The following GALNT13 variants were observed in gnomAD, a reference collection of about 807,000 sequenced individuals.
GALNT13 encodes the protein polypeptide N-acetylgalactosaminyltransferase 13, also known as UDP-GalNAc:polypeptide N-acetylgalactosaminyltransferase 13.
A neutral mutation model predicts 64.2 loss-of-function variants in GALNT13; 28 were observed. The observed-to-expected ratio is 0.44, with a 90% CI of 0.32 to 0.60. The LOEUF (loss-of-function observed/expected upper bound fraction) is 0.60, where lower values mean the gene tolerates loss of function less well. GALNT13 is among the 20% of genes least tolerant of loss of function. The probability of loss-of-function intolerance (pLI) is 0.05; values close to 1 mark genes in which losing one functional copy is unlikely to be tolerated. For synonymous variants in GALNT13, 214 were observed against 224.6 expected (o/e 0.95, Z 0.42); for missense variants, 577 against 669.8 (o/e 0.86, Z 1.53).
intron 3 of GALNT13, among the ~76,000 whole-genome samples, chr2:154,080,584 G>T (rs1012007257): frequency 6.6e-6 from 1 of 151,528 alleles, no homozygotes; most frequent in Non-Finnish European, 1.5e-5. Context: ...GTGGAAGAGC[G>T]TGCACTTGAT....
At chr2:154,383,036 G>A (rs1057242527) in intron 9 of GALNT13, among the ~76,000 whole-genome samples, 6 of 151,818 alleles carry the variant, frequency 4.0e-5, no homozygotes, top group African/African-American at 2.4e-5. Context: ...CTAAGAGTGC[G>A]ATTCTGAGAC....
the GALNT13 span, among the ~76,000 whole-genome samples, chr2:153,613,379 G>A: frequency 6.6e-6 from 1 of 152,074 alleles, no homozygotes; most frequent in African/African-American, 2.4e-5. Flanking sequence ...CTATTTTAGA[G>A]AGTTCCATAA....
the GALNT13 span, among the ~76,000 whole-genome samples, chr2:153,689,072 G>A: frequency 1.1e-5 from 1 of 94,154 alleles, no homozygotes; most frequent in Non-Finnish European, 2.6e-5. Flanking sequence ...GCGTGTGTAT[G>A]TGTGTGTGTG....
chr2:153,536,391 A>T, the GALNT13 span, among the ~76,000 whole-genome samples: 1 of 152,132 alleles, frequency 6.6e-6, no homozygotes, highest in East Asian at 1.9e-4. Flanking sequence ...CTGTCTGTCC[A>T]ATCTGGAGGA....
the GALNT13 span, among the ~76,000 whole-genome samples, chr2:153,120,884 AT>A: frequency 1.3e-5 from 2 of 152,154 alleles, no homozygotes; most frequent in East Asian, 3.9e-4. Flanking sequence ...AACGTGATGT[AT>A]CTAGGAAAAA....
the GALNT13 span, among the ~76,000 whole-genome samples, chr2:153,540,637 A>G: frequency 1.3e-5 from 2 of 152,234 alleles, no homozygotes; most frequent in African/African-American, 2.4e-5. Context: ...ACTGAGCCGC[A>G]GGGGCAGAAC....
At chr2:153,636,758 T>C in the GALNT13 span, among the ~76,000 whole-genome samples, 1 of 152,116 alleles carries the variant, frequency 6.6e-6, no homozygotes, top group African/African-American at 2.4e-5. Context: ...GTTCAAATAT[T>C]TGTTCCTACA....
the GALNT13 span, among the ~76,000 whole-genome samples, chr2:153,730,783 A>G: frequency 6.6e-6 from 1 of 151,968 alleles, no homozygotes; most frequent in Non-Finnish European, 1.5e-5. Context: ...TGACTAACAA[A>G]TAAAAATGCT....
the GALNT13 span, among the ~76,000 whole-genome samples, chr2:153,782,337 C>A: frequency 1.3e-5 from 2 of 152,156 alleles, no homozygotes. Context: ...TAGCCTACTA[C>A]ACACCTGGGC....
intron 4 of GALNT13, among the ~76,000 whole-genome samples, chr2:154,226,761 A>G (rs1688639096): frequency 6.6e-6 from 1 of 152,144 alleles, no homozygotes; most frequent in Non-Finnish European, 1.5e-5. Context: ...AAATATAACA[A>G]GTAGTATTTA....
chr2:153,254,287 T>C, the GALNT13 span, among the ~76,000 whole-genome samples: 5,095 of 152,060 alleles, frequency 0.034, 284 homozygotes, highest in African/African-American at 0.12. Context: ...TGATGGTAGT[T>C]TGTATTTCTG....
At chr2:153,225,303 A>G in the GALNT13 span, among the ~76,000 whole-genome samples, 1 of 152,204 alleles carries the variant, frequency 6.6e-6, no homozygotes, top group Non-Finnish European at 1.5e-5. Flanking sequence ...AATTTTTTTA[A>G]AAGCCTCTTG....
chr2:153,435,211 T>C, the GALNT13 span, among the ~76,000 whole-genome samples: 121,810 of 151,974 alleles, frequency 0.8, 49,841 homozygotes, highest in African/African-American at 0.88. Context: ...ACCAGTACCA[T>C]GCTGTTTTGG....
intron 3 of GALNT13, among the ~76,000 whole-genome samples, chr2:154,126,641 A>AC (rs1682289587): frequency 7.9e-6 from 1 of 126,762 alleles, no homozygotes; most frequent in African/African-American, 2.8e-5. Context: ...TCTCAAAAAA[A>AC]CAAAAAAAAA....
chr2:153,926,772 T>C (rs1175790551), intron 2 of GALNT13, among the ~76,000 whole-genome samples: 1 of 152,140 alleles, frequency 6.6e-6, no homozygotes, highest in Non-Finnish European at 1.5e-5. Flanking sequence ...GGCACAAATA[T>C]CAGATGAGTC....
the GALNT13 span, among the ~76,000 whole-genome samples, chr2:153,113,178 C>T: frequency 1.3e-5 from 2 of 151,992 alleles, no homozygotes; most frequent in Admixed American, 6.6e-5. Flanking sequence ...TCACTTCTGG[C>T]AAGATTCTTG....
intron 3 of GALNT13, among the ~76,000 whole-genome samples, chr2:154,021,728 C>T (rs1697514068): frequency 6.6e-6 from 1 of 151,660 alleles, no homozygotes; most frequent in Non-Finnish European, 1.5e-5. Context: ...GCCAGAACTT[C>T]CAACACTATG....
At chr2:153,270,432 C>T in the GALNT13 span, among the ~76,000 whole-genome samples, 1 of 152,194 alleles carries the variant, frequency 6.6e-6, no homozygotes, top group South Asian at 2.1e-4. Flanking sequence ...ATTCTGCAAC[C>T]TGCAAGTGAT....
intron 12 of GALNT13, among the ~76,000 whole-genome samples, chr2:154,440,214 A>C (rs1470056151): frequency 6.6e-6 from 1 of 152,168 alleles, no homozygotes; most frequent in Non-Finnish European, 1.5e-5. Flanking sequence ...AAAATCTAGA[A>C]TATATTTATT....
Sources: allele counts gnomAD v4.1 joint callset (sites outside exome capture counted in the v4.1 genomes callset), GRCh38; gene constraint gnomAD v4.1.1; transcripts MANE v1.5; gene names NCBI Gene and HGNC (gene_info 2026-07-23, HGNC 2026-07-21).